PPM1A: variants seen among roughly 807,000 people sequenced by gnomAD.
The protein encoded by PPM1A is protein phosphatase, Mg2+/Mn2+ dependent 1A, also known as protein phosphatase 1A.
A neutral mutation model predicts 35.0 loss-of-function variants in PPM1A; 7 were observed. The observed-to-expected ratio is 0.20, with a 90% CI of 0.11 to 0.38. The LOEUF (loss-of-function observed/expected upper bound fraction) is 0.38, where lower values mean the gene tolerates loss of function less well. Ranked by LOEUF, PPM1A falls within the 10% of genes least tolerant of loss-of-function variation. The pLI is 1.00. For missense variants in PPM1A, 239 were observed against 467.8 expected (o/e 0.51, Z 4.51); for synonymous variants, 153 against 167.3 (o/e 0.91, Z 0.66).
rs1333915784 is a variant in PPM1A at position 60,293,654 on chromosome 14, T to C, written c.*1172T>C. On this transcript the variant is annotated 3_prime_UTR_variant, in exon 6 of 6. Coordinates refer to ENST00000395076, the MANE Select transcript of PPM1A (RefSeq NM_021003.5). The surrounding 1 kb of genome is among the most constrained non-coding windows in gnomAD (Gnocchi z 4.0). The stretch of plus-strand genomic sequence containing the variant: ...TATTTATTGTCAAAGTTTGACAATC[T>C]AACACTCTATGGTAGGGGTGTGTGT... 1 of 151,878 alleles carries C rather than the reference T, an allele frequency of 6.6e-6. No homozygotes were observed. The highest frequency in any genetic ancestry group is 1.5e-5 in the Non-Finnish European group (1 of 67,864). 9.4% of individuals were successfully genotyped at this position (151,878 alleles called of 1,614,324 possible). A position where few individuals can be genotyped will look rare whatever the true frequency, so the allele number is the denominator to read the frequency against.
At chr14:60,250,379 G>A (rs1882239975) in intron 1 of PPM1A, 1 of 977,412 alleles carries the variant, frequency 1.0e-6, no homozygotes, top group Non-Finnish European at 1.2e-6. Context: ...TCTGCTTGTA[G>A]ATTTTAAATA....
chr14:60,253,414 T>C (rs1566567721), intron 1 of PPM1A, among the ~76,000 whole-genome samples: 1 of 152,124 alleles, frequency 6.6e-6, no homozygotes, highest in East Asian at 1.9e-4. Flanking sequence ...AAATACAGGG[T>C]CAGAGAACCT....
In PPM1A at chr14:60,278,890, G is replaced by A. The variant is rs180740941; in HGVS notation, c.-20-3794G>A. Among the ~76,000 whole-genome samples the A allele has an allele frequency of 2.6e-4, 39 of 152,224 alleles. No homozygotes were observed. In the East Asian group the frequency reaches 4.4e-3, roughly 17 times the overall value. On this transcript the variant is annotated intron_variant, in intron 1 of 5. Transcript: ENST00000395076. ...TTCCTACCTTCTAATGAGCAGTTAGGTTATTTCCAACATTGACTATTATGG... is the reference window on the plus strand; with the variant it reads ...TTCCTACCTTCTAATGAGCAGTTAGATTATTTCCAACATTGACTATTATGG...
rs1595316469 is a variant in PPM1A at position 60,271,253 on chromosome 14, A to G, written c.-20-11431A>G. ...GATCTTCCCCTGACTCTCTATTCTA[A>G]GGACATGTGGGTTCACTTAGAGGTC... On this transcript the variant is annotated intron_variant, in intron 1 of 5. Coordinates refer to ENST00000395076, the MANE Select transcript of PPM1A (RefSeq NM_021003.5). 2.6e-5 allele frequency among the ~76,000 whole-genome samples: 4 copies of G among 152,170 alleles called. No homozygotes were observed. In the East Asian group the frequency reaches 5.8e-4, roughly 22 times the overall value.
At chr14:60,256,598 G>C (rs971460197) in intron 1 of PPM1A, among the ~76,000 whole-genome samples, 1 of 152,142 alleles carries the variant, frequency 6.6e-6, no homozygotes, top group African/African-American at 2.4e-5. Flanking sequence ...TAGCCTTGAC[G>C]TTAGCAACTA....
chr14:60,269,080 T>C (rs1365198952), intron 1 of PPM1A, among the ~76,000 whole-genome samples: 1 of 152,146 alleles, frequency 6.6e-6, no homozygotes, highest in Non-Finnish European at 1.5e-5. Flanking sequence ...ATATATAGTC[T>C]TGAAATTTTG....
At chr14:60,286,277 C>T (rs1299129783) in intron 3 of PPM1A, 1 of 985,696 alleles carries the variant, frequency 1.0e-6, no homozygotes, top group Non-Finnish European at 1.2e-6. Flanking sequence ...AACTGTCTCA[C>T]CTAAACAAGA....
chr14:60,250,045 A>G lies in PPM1A; in HGVS notation c.-21+368A>G, dbSNP rs983348627. ...CCTGCAGAACTTTTCCCGAGCGGGGAGGGGGCGTCCCCGCGCCCCCACCCG... is the reference window on the plus strand; with the variant it reads ...CCTGCAGAACTTTTCCCGAGCGGGGGGGGGGCGTCCCCGCGCCCCCACCCG... On this transcript the variant is annotated intron_variant, in intron 1 of 5. Transcript: ENST00000395076. Among the ~76,000 whole-genome samples the G allele has an allele frequency of 1.2e-3, 174 of 149,840 alleles. 1 individual carries two copies. Among genetic ancestry groups the G allele is most frequent in the Admixed American group, 3.0e-3 (45 of 15,188 alleles).
At position 60,249,277 on chromosome 14, in the gene PPM1A, G is replaced by C. The variant is rs1882020887; in HGVS notation, c.-421G>C. The C allele has an allele frequency of 2.0e-6, 2 of 984,690 alleles. No homozygotes were observed. The highest frequency in any genetic ancestry group is 1.8e-5 in the African/African-American group (1 of 56,846). 61.0% of individuals were successfully genotyped at this position (984,690 alleles called of 1,614,324 possible). ...GGGACGGGAGCGCGCGCGGGAGCTA[G>C]AGAGCAGTGGTCTCGGCGCTCGTCC... is the stretch of plus-strand genomic sequence containing the variant. On this transcript the variant is annotated 5_prime_UTR_variant, in exon 1 of 6. Coordinates refer to ENST00000395076, the MANE Select transcript of PPM1A (RefSeq NM_021003.5). This position sits in a 1 kb window ranked among gnomAD's most constrained non-coding sequence, Gnocchi z 4.5.
At position 60,249,978 on chromosome 14, in the gene PPM1A, C is replaced by T. The variant is rs568974563; in HGVS notation, c.-21+301C>T. 3.8e-3 allele frequency among the ~76,000 whole-genome samples: 569 copies of T among 151,400 alleles called. 5 individuals are homozygous for T. The highest frequency in any genetic ancestry group is 0.013 in the South Asian group (60 of 4,800). ...CGGCCGAGATGGGTGTTTGTGGCGG[C>T]GAAGCAGGCGACGGCCGCAGGCCGG... On this transcript the variant is annotated intron_variant, in intron 1 of 5. Coordinates refer to ENST00000395076, the MANE Select transcript of PPM1A (RefSeq NM_021003.5). This position sits in a 1 kb window ranked among gnomAD's most constrained non-coding sequence, Gnocchi z 4.5.
chr14:60,250,203 C>G (rs1039932668), intron 1 of PPM1A, among the ~76,000 whole-genome samples: 1 of 152,170 alleles, frequency 6.6e-6, no homozygotes. Flanking sequence ...GGGGGCAGGG[C>G]TGAGAGACTC....
At chr14:60,246,645 C>G (rs902086753), upstream of PPM1A, among the ~76,000 whole-genome samples, 24 of 152,262 alleles carry the variant, frequency 1.6e-4, no homozygotes, top group Admixed American at 3.9e-4. Context: ...TTTTCCCCTT[C>G]TATCTGTCCC....
intron 1 of PPM1A, among the ~76,000 whole-genome samples, chr14:60,259,023 T>A (rs1304989301): frequency 6.6e-6 from 1 of 152,050 alleles, no homozygotes; most frequent in African/African-American, 2.4e-5. Context: ...CGATTTGAGG[T>A]GTGGCTATTC....
At chr14:60,254,960 C>T (rs78210287) in intron 1 of PPM1A, among the ~76,000 whole-genome samples, 1,558 of 152,216 alleles carry the variant, frequency 0.01, 32 homozygotes, top group African/African-American at 0.034. Flanking sequence ...GGAACACGCT[C>T]TTTTCTCTCC....
At position 60,292,966 on chromosome 14, in the gene PPM1A, G is replaced by A. The variant is rs1001411225; in HGVS notation, c.*484G>A. Reference sequence around the variant, plus strand: ...ACGCTCAAATGTGCAGATGATTATGGAAAATAACCTCAAAATCTTACAAAG... The same window carrying A: ...ACGCTCAAATGTGCAGATGATTATGAAAAATAACCTCAAAATCTTACAAAG... On this transcript the variant is annotated 3_prime_UTR_variant, in exon 6 of 6. Coordinates refer to ENST00000395076, the MANE Select transcript of PPM1A (RefSeq NM_021003.5). The surrounding 1 kb of genome is among the most constrained non-coding windows in gnomAD (Gnocchi z 4.2). 1 of 152,356 alleles carries A rather than the reference G, an allele frequency of 6.6e-6. No homozygotes were observed. Among genetic ancestry groups the A allele is most frequent in the African/African-American group, 2.4e-5 (1 of 41,422 alleles). 9.4% of individuals were successfully genotyped at this position (152,356 alleles called of 1,614,324 possible).
intron 1 of PPM1A, among the ~76,000 whole-genome samples, chr14:60,274,146 G>A (rs1248830449): frequency 2.6e-5 from 4 of 152,170 alleles, no homozygotes; most frequent in African/African-American, 7.2e-5. Context: ...AGGAGACGAC[G>A]GAAAAGCTTA....
chr14:60,282,629 T>G lies in PPM1A; in HGVS notation c.-20-55T>G. ...TTCACTTATTAAAAAGATTGTTTGG[T>G]ACATATTTTGTTTATAAGACAGTTA... On this transcript the variant is annotated intron_variant, in intron 1 of 5. Transcript: ENST00000395076. The surrounding 1 kb of genome is among the most constrained non-coding windows in gnomAD (Gnocchi z 5.1). The G allele has an allele frequency of 6.4e-7, 1 of 1,558,378 alleles. No homozygotes were observed. The highest frequency in any genetic ancestry group is 8.7e-7 in the Non-Finnish European group (1 of 1,150,348).
upstream of PPM1A, chr14:60,245,967 A>G (rs1419260716): frequency 2.5e-6 from 4 of 1,578,588 alleles, no homozygotes; most frequent in African/African-American, 4.0e-5. The surrounding 1 kb of genome is among the most constrained non-coding windows in gnomAD (Gnocchi z 4.2). Context: ...AAGAGAAGAA[A>G]AAGGGAGGAG....
Position 60,254,144 on chromosome 14 carries a change from G to A in PPM1A, c.-21+4467G>A, listed in dbSNP as rs561970684. On this transcript the variant is annotated intron_variant, in intron 1 of 5. Transcript: ENST00000395076. ...ACTTAGGGGTATAGAGACTTGCTTA[G>A]TATGAGAGGGTTGTCTTTCAGTATA... Among the ~76,000 whole-genome samples the A allele has an allele frequency of 3.3e-5, 5 of 152,316 alleles. No homozygotes were observed. In the East Asian group the frequency reaches 9.6e-4, roughly 29 times the overall value.
Sources: allele counts gnomAD v4.1 joint callset (sites outside exome capture counted in the v4.1 genomes callset), GRCh38; gene constraint gnomAD v4.1.1; non-coding constraint Gnocchi (gnomAD v3.1); transcripts MANE v1.5; gene names NCBI Gene and HGNC (gene_info 2026-07-23, HGNC 2026-07-21).